Variants in SPATA16 observed in about 807,000 individuals in gnomAD.
SPATA16 encodes spermatogenesis-associated protein 16.
In SPATA16, 36 loss-of-function variants were observed where a neutral mutation model predicts 63.3. The ratio of observed to expected loss-of-function variants is 0.57; its 90% CI spans 0.44 to 0.75. The LOEUF (loss-of-function observed/expected upper bound fraction) is 0.75, where lower values mean the gene tolerates loss of function less well. SPATA16 is among the 30% of genes least tolerant of loss of function. The pLI is 0.00. For missense variants in SPATA16, 646 were observed against 679.3 expected (o/e 0.95, Z 0.54); for synonymous variants, 203 against 216.7 (o/e 0.94, Z 0.56).
intron 10 of SPATA16, among the ~76,000 whole-genome samples, chr3:172,894,155 T>G (rs899855024): frequency 5.3e-5 from 8 of 152,214 alleles, no homozygotes; most frequent in Non-Finnish European, 7.3e-5. Context: ...TAACATTAGT[T>G]TCTTTGCTCT....
chr3:173,075,312 C>G (rs1188838701), intron 2 of SPATA16, among the ~76,000 whole-genome samples: 1 of 151,830 alleles, frequency 6.6e-6, no homozygotes, highest in Non-Finnish European at 1.5e-5. Context: ...AAAGGGAAAC[C>G]CTTGTACACA....
intron 6 of SPATA16, among the ~76,000 whole-genome samples, chr3:172,956,167 G>A (rs1733588332): frequency 6.6e-6 from 1 of 152,080 alleles, no homozygotes; most frequent in Admixed American, 6.6e-5. Flanking sequence ...GATGAAAAAG[G>A]GGAAAAAACC....
At chr3:173,098,128 T>C (rs1737405764) in intron 2 of SPATA16, among the ~76,000 whole-genome samples, 1 of 151,030 alleles carries the variant, frequency 6.6e-6, no homozygotes, top group African/African-American at 2.4e-5. Flanking sequence ...CCACCAATCC[T>C]TCATCCCAGA....
chr3:173,050,881 G>A (rs968180533), intron 2 of SPATA16, among the ~76,000 whole-genome samples: 18 of 152,190 alleles, frequency 1.2e-4, no homozygotes, highest in Admixed American at 1.0e-3. Context: ...TAATAAAATA[G>A]ATAAAACATT....
intron 2 of SPATA16, among the ~76,000 whole-genome samples, chr3:173,090,718 G>C (rs1737200868): frequency 6.6e-6 from 1 of 152,098 alleles, no homozygotes; most frequent in Non-Finnish European, 1.5e-5. Context: ...CATGCTCCTT[G>C]GCAACTCCTA....
intron 5 of SPATA16, among the ~76,000 whole-genome samples, chr3:172,962,126 G>A (rs1483352001): frequency 4.6e-5 from 7 of 151,856 alleles, no homozygotes; most frequent in South Asian, 4.2e-4. Flanking sequence ...GGTGGTGAGC[G>A]CCTGTAATAC....
At chr3:173,139,889 G>A (rs1738660625) in intron 1 of SPATA16, among the ~76,000 whole-genome samples, 1 of 152,156 alleles carries the variant, frequency 6.6e-6, no homozygotes, top group Admixed American at 6.5e-5. Flanking sequence ...GGAGGCTGAG[G>A]CAGGAGAATC....
intron 3 of SPATA16, among the ~76,000 whole-genome samples, chr3:173,043,483 CTTA>C (rs1316137390): frequency 6.6e-6 from 1 of 151,734 alleles, no homozygotes; most frequent in Non-Finnish European, 1.5e-5. Context: ...CATGTGTAAT[CTTA>C]TTATTATTTT....
At chr3:173,039,307 A>G (rs986557994) in intron 3 of SPATA16, among the ~76,000 whole-genome samples, 3 of 152,168 alleles carry the variant, frequency 2.0e-5, no homozygotes, top group Non-Finnish European at 4.4e-5. Flanking sequence ...TCTTAAAATA[A>G]TATGAATAAA....
chr3:172,894,212 C>G (rs1731957194), intron 10 of SPATA16, among the ~76,000 whole-genome samples: 1 of 151,988 alleles, frequency 6.6e-6, no homozygotes, highest in African/African-American at 2.4e-5. Context: ...ATTTATCATC[C>G]AAAATGGTTT....
intron 3 of SPATA16, among the ~76,000 whole-genome samples, chr3:173,047,812 A>T (rs1357250941): frequency 6.6e-6 from 1 of 151,944 alleles, no homozygotes; most frequent in Non-Finnish European, 1.5e-5. Flanking sequence ...TTTTCTTTTA[A>T]TGTCAAAGAG....
intron 2 of SPATA16, among the ~76,000 whole-genome samples, chr3:173,073,593 G>A (rs988950432): frequency 5.9e-5 from 9 of 152,226 alleles, no homozygotes; most frequent in African/African-American, 2.2e-4. Flanking sequence ...CAAGAATTGA[G>A]GTTTGGGGAC....
chr3:172,899,432 T>C (rs1732077873), intron 10 of SPATA16, among the ~76,000 whole-genome samples: 1 of 152,166 alleles, frequency 6.6e-6, no homozygotes, highest in Non-Finnish European at 1.5e-5. Context: ...CTCCTTTGTC[T>C]GATATTAATA....
At chr3:173,038,772 T>C (rs1735774556) in intron 3 of SPATA16, among the ~76,000 whole-genome samples, 1 of 152,168 alleles carries the variant, frequency 6.6e-6, no homozygotes, top group Admixed American at 6.6e-5. Context: ...GGCTGGTCAC[T>C]TGAGGTGTTT....
chr3:172,942,698 A>C (rs1056678676), intron 6 of SPATA16, among the ~76,000 whole-genome samples: 17 of 152,164 alleles, frequency 1.1e-4, no homozygotes, highest in Admixed American at 9.8e-4. Context: ...GGTAATGAAT[A>C]CATTAAAAAA....
intron 5 of SPATA16, among the ~76,000 whole-genome samples, chr3:172,974,445 G>A (rs185676657): frequency 3.6e-4 from 54 of 151,914 alleles, no homozygotes; most frequent in Non-Finnish European, 8.8e-5. Flanking sequence ...GGGTAGTGGG[G>A]CATATGTATC....
intron 2 of SPATA16, among the ~76,000 whole-genome samples, chr3:173,066,212 G>A (rs1040983275): frequency 3.9e-5 from 6 of 152,176 alleles, no homozygotes; most frequent in African/African-American, 1.4e-4. Flanking sequence ...ATGCACCCTG[G>A]GCCAGAAGGG....
chr3:173,049,129 A>G, intron 2 of SPATA16, 35 bp from the exon 3 acceptor site: 1 of 1,569,126 alleles, frequency 6.4e-7, no homozygotes, highest in Non-Finnish European at 8.7e-7. Flanking sequence ...CATCTTAATA[A>G]TCTTTCATAT....
intron 7 of SPATA16, 112 bp from the exon 8 acceptor site, chr3:172,924,429 TTAGTA>T: frequency 3.6e-6 from 3 of 836,200 alleles, no homozygotes; most frequent in Non-Finnish European, 5.8e-6. Context: ...TACAAAATCT[TTAGTA>T]TAGAAACTAG....
Sources: allele counts gnomAD v4.1 joint callset (sites outside exome capture counted in the v4.1 genomes callset), GRCh38; gene constraint gnomAD v4.1.1; transcripts MANE v1.5; gene names NCBI Gene and HGNC (gene_info 2026-07-23, HGNC 2026-07-21).